The following TLR6 variants were observed in gnomAD, a reference collection of about 807,000 sequenced individuals.
TLR6 encodes toll like receptor 6.
TLR6 carries 9 observed loss-of-function variants against 16.1 expected under a neutral mutation model. The observed-to-expected ratio is 0.56, with a 90% CI of 0.34 to 0.98. The LOEUF is 0.98. Ranked by LOEUF, TLR6 falls within the 50% of genes least tolerant of loss-of-function variation. The pLI is 0.02. For synonymous variants in TLR6, 340 were observed against 338.6 expected, an observed-to-expected ratio of 1.00 and a Z score of -0.04; for missense variants, 786 against 921.0, an observed-to-expected ratio of 0.85 and a Z score of 1.90.
chr4:38,853,731 G>A (rs1280878762), intron 1 of TLR6, among the ~76,000 whole-genome samples: 2 of 152,124 alleles, frequency 1.3e-5, no homozygotes, highest in African/African-American at 4.8e-5. Flanking sequence ...AGCCTCCCAC[G>A]GAGCTGGGGT....
intron 1 of TLR6, among the ~76,000 whole-genome samples, chr4:38,851,492 C>T (rs374085187): frequency 9.8e-5 from 15 of 152,286 alleles, no homozygotes; most frequent in South Asian, 4.2e-4. Flanking sequence ...AAAACCCCAT[C>T]GTCTCAGCCC....
chr4:38,837,011 C>A (rs942914836), intron 1 of TLR6, among the ~76,000 whole-genome samples: 2 of 150,350 alleles, frequency 1.3e-5, no homozygotes, highest in South Asian at 4.2e-4. Context: ...AATTACAATA[C>A]CTAGGAATAA....
At position 38,838,913 on chromosome 4, in the gene TLR6, AAGGG is replaced by A. The variant is rs1433171081; in HGVS notation, c.-64-9380_-64-9377del. Among the ~76,000 whole-genome samples the A allele has an allele frequency of 5.7e-3, 750 of 132,098 alleles. 13 individuals carry two copies. Among genetic ancestry groups the A allele is most frequent in the African/African-American group, 0.019 (672 of 34,942 alleles). 86.7% of individuals were successfully genotyped at this position (132,098 alleles called of 152,430 possible). ...AAGAAAGAGAAAAAGAGAAGGAAGGAAGGGAGGGAGGGAGGGAAGGAAGGAAGGA... is the reference window on the plus strand; with the variant it reads ...AAGAAAGAGAAAAAGAGAAGGAAGGAAGGGAGGGAGGGAAGGAAGGAAGGA... On this transcript the variant is annotated intron_variant, in intron 1 of 1. Transcript: ENST00000436693.
rs5743804 is a variant in TLR6, at chr4:38,830,483, G to A, written c.-64-946C>T. Reference sequence around the variant, plus strand: ...TAGTCCCAGAACTTGGGGAGGGCAAGGCAGGTGGATTGCTTGAGTCCAGGA... The same window carrying A: ...TAGTCCCAGAACTTGGGGAGGGCAAAGCAGGTGGATTGCTTGAGTCCAGGA... On this transcript the variant is annotated intron_variant, in intron 1 of 1. Coordinates refer to ENST00000436693, the Ensembl canonical transcript of TLR6. Among the ~76,000 whole-genome samples the A allele has an allele frequency of 7.7e-3, 1,168 of 152,298 alleles. 6 individuals carry two copies. Among genetic ancestry groups the A allele is most frequent in the South Asian group, 0.038 (183 of 4,826 alleles).
intron 1 of TLR6, among the ~76,000 whole-genome samples, chr4:38,846,904 T>C (rs1352398541): frequency 6.6e-6 from 1 of 152,022 alleles, no homozygotes; most frequent in Non-Finnish European, 1.5e-5. Flanking sequence ...AGAGTAATTA[T>C]GAGAAAATAC....
chr4:38,862,797 C>T, the TLR6 span, among the ~76,000 whole-genome samples: 1 of 150,812 alleles, frequency 6.6e-6, no homozygotes, highest in Non-Finnish European at 1.5e-5. Flanking sequence ...GGGTTTCACC[C>T]TGTTAACCAG....
intron 1 of TLR6, among the ~76,000 whole-genome samples, chr4:38,841,069 T>C (rs1201830914): frequency 6.6e-6 from 1 of 152,190 alleles, no homozygotes; most frequent in East Asian, 1.9e-4. Context: ...GGATGGTTAA[T>C]TTTTTTGCTT....
chr4:38,863,619 T>C, the TLR6 span, among the ~76,000 whole-genome samples: 1 of 152,238 alleles, frequency 6.6e-6, no homozygotes, highest in Non-Finnish European at 1.5e-5. Context: ...TGATTAATGA[T>C]TAATTTCTCT....
intron 1 of TLR6, among the ~76,000 whole-genome samples, chr4:38,830,216 G>A (rs1727758471): frequency 6.6e-6 from 1 of 152,114 alleles, no homozygotes; most frequent in Non-Finnish European, 1.5e-5. Context: ...AAAGATCAGG[G>A]GTGTTTTTGT....
At chr4:38,852,985 T>A (rs575463622) in intron 1 of TLR6, among the ~76,000 whole-genome samples, 1 of 152,092 alleles carries the variant, frequency 6.6e-6, no homozygotes, top group East Asian at 1.9e-4. Flanking sequence ...CCAACCCAAA[T>A]GTCCATCAAT....
chr4:38,842,862 T>C (rs1444347087), intron 1 of TLR6, among the ~76,000 whole-genome samples: 1 of 151,558 alleles, frequency 6.6e-6, no homozygotes, highest in Non-Finnish European at 1.5e-5. Context: ...CTTTTTTTTT[T>C]TAATCCCAGG....
At chr4:38,867,620 A>G in the TLR6 span, 1 of 151,644 alleles carries the variant, frequency 6.6e-6, no homozygotes, top group Non-Finnish European at 1.5e-5. Flanking sequence ...GGGGTGGGAC[A>G]AGCCAAGTTT....
intron 1 of TLR6, among the ~76,000 whole-genome samples, chr4:38,847,670 G>A (rs914462979): frequency 1.3e-5 from 2 of 152,194 alleles, no homozygotes; most frequent in Non-Finnish European, 2.9e-5. Context: ...CCACACCCAC[G>A]GAGCCTCGCT....
chr4:38,853,790 A>T (rs1184091010), intron 1 of TLR6, among the ~76,000 whole-genome samples: 1 of 152,210 alleles, frequency 6.6e-6, no homozygotes, highest in Non-Finnish European at 1.5e-5. Context: ...TATTTTGAAA[A>T]CAAATCCCTC....
intron 1 of TLR6, among the ~76,000 whole-genome samples, 175 bp from the exon 2 acceptor site, chr4:38,829,712 G>A (rs756030400): frequency 1.3e-5 from 2 of 152,130 alleles, no homozygotes; most frequent in Non-Finnish European, 2.9e-5. Context: ...ATGCCAGAAG[G>A]GGCAATATAG....
chr4:38,847,254 C>T (rs1007162353), intron 1 of TLR6, among the ~76,000 whole-genome samples: 4 of 152,102 alleles, frequency 2.6e-5, no homozygotes, highest in African/African-American at 9.7e-5. Flanking sequence ...TATTCCACCC[C>T]AAGGCATTCC....
chr4:38,862,754 C>A, the TLR6 span, among the ~76,000 whole-genome samples: 1 of 151,606 alleles, frequency 6.6e-6, no homozygotes, highest in African/African-American at 2.4e-5. Context: ...TGCCACCACG[C>A]CCAGTTAATT....
At chr4:38,838,914 A>T (rs185667754) in intron 1 of TLR6, among the ~76,000 whole-genome samples, 3 of 125,058 alleles carry the variant, frequency 2.4e-5, no homozygotes, top group Admixed American at 7.9e-5. Context: ...GAAGGAAGGA[A>T]GGGAGGGAGG....
At chr4:38,845,391 G>A (rs183457245) in intron 1 of TLR6, among the ~76,000 whole-genome samples, 133 of 152,286 alleles carry the variant, frequency 8.7e-4, no homozygotes, top group African/African-American at 3.0e-3. Context: ...TTAATGTTGT[G>A]GATGAAATTA....
Sources: allele counts gnomAD v4.1 joint callset (sites outside exome capture counted in the v4.1 genomes callset), GRCh38; gene constraint gnomAD v4.1.1; transcripts MANE v1.5; gene names NCBI Gene and HGNC (gene_info 2026-07-23, HGNC 2026-07-21).